The following TTC36 variants were observed in gnomAD, a reference collection of about 807,000 sequenced individuals.
TTC36 encodes the protein tetratricopeptide repeat protein 36.
TTC36 carries 15 observed loss-of-function variants against 17.5 expected under a neutral mutation model. The ratio of observed to expected loss-of-function variants is 0.86; its 90% CI spans 0.57 to 1.32. TTC36 has a LOEUF of 1.32. Among genes scored for constraint, TTC36 ranks in the 40% most tolerant of loss-of-function variants. The pLI is 0.00. For missense variants in TTC36, 292 were observed against 260.9 expected (o/e 1.12, Z -0.82); for synonymous variants, 112 against 109.8 (o/e 1.02, Z -0.13).
chr11:118,528,026 A>G, intron 1 of TTC36: 1 of 458,296 alleles, frequency 2.2e-6, no homozygotes. Context: ...AAACACTGTC[A>G]CAAGCCAAGC....
chr11:118,528,042 A>G, intron 1 of TTC36: 4 of 455,758 alleles, frequency 8.8e-6, no homozygotes, highest in Non-Finnish European at 1.8e-5. Flanking sequence ...CAAGCTCCAA[A>G]CTAACTCTTC....
Position 118,530,761 on chromosome 11 carries a change from G to T in TTC36, c.415G>T (p.Asp139Tyr). 6.6e-7 allele frequency: 1 copy of T among 1,507,388 alleles called. No individual in the cohort carries two copies. Among genetic ancestry groups the T allele is most frequent in the Non-Finnish European group, 8.8e-7 (1 of 1,137,362 alleles). The allele number at this position is 1,507,388 out of a possible 1,614,324, so 93.4% of individuals were successfully genotyped here. A position where few individuals can be genotyped will look rare whatever the true frequency, so the allele number is the denominator to read the frequency against. Reference sequence around the variant, plus strand: ...ACTCCTGGCGCGGCTGCAGGGCCGAGACGACGACGCCCGCAGGGACTTCGA... The same window carrying T: ...ACTCCTGGCGCGGCTGCAGGGCCGATACGACGACGCCCGCAGGGACTTCGA... ...RGLLARLQGRDDDARRDFERA... is the reference protein window; with the variant it reads ...RGLLARLQGRYDDARRDFERA... The change falls in exon 3 of 3, where the codon GAC becomes TAC. Residue 139 changes from aspartate (D) to tyrosine (Y), a missense_variant. Asp to Tyr is a radical substitution (Grantham distance 160). Coordinates refer to ENST00000302783, the MANE Select transcript of TTC36 (RefSeq NM_001080441.4). The surrounding 1 kb of genome is among the most constrained non-coding windows in gnomAD (Gnocchi z 5.8).
rs782530484 is a variant in TTC36 at position 118,530,724 on chromosome 11, T to C, written c.378T>C (p.Phe126=). 2.7e-5 allele frequency: 41 copies of C among 1,492,126 alleles called. No individual in the cohort carries two copies. In the South Asian group the frequency reaches 4.8e-4, roughly 17 times the overall value. 92.4% of individuals were successfully genotyped at this position (1,492,126 alleles called of 1,614,324 possible). Residue 126 remains phenylalanine, a synonymous_variant, in exon 3 of 3, where the codon TTT becomes TTC. Transcript: ENST00000302783. The surrounding 1 kb of genome is among the most constrained non-coding windows in gnomAD (Gnocchi z 5.8). Reference sequence around the variant, plus strand: ...GGGGCCGCGCCGCCCGCCAGAGCTTTGTGCAGCGCGGACTCCTGGCGCGGC... The same window carrying C: ...GGGGCCGCGCCGCCCGCCAGAGCTTCGTGCAGCGCGGACTCCTGGCGCGGC... ...GGRGRAARQS[F]VQRGLLARLQ... is the part of the protein sequence containing the mutation.
intron 1 of TTC36, among the ~76,000 whole-genome samples, chr11:118,528,226 C>T (rs922886408): frequency 6.6e-6 from 1 of 152,076 alleles, no homozygotes; most frequent in Admixed American, 6.5e-5. Flanking sequence ...GCATAAGAGG[C>T]GGTGTAGTAG....
chr11:118,528,824 G>C, intron 2 of TTC36, 33 bp downstream of exon 2: 1 of 1,557,574 alleles, frequency 6.4e-7, no homozygotes, highest in Non-Finnish European at 8.7e-7. Context: ...CTCTGCAAAA[G>C]GGCCCACGGG....
Position 118,530,827 on chromosome 11 carries a change from C to T in TTC36, c.481C>T (p.Leu161=). 1 of 1,506,448 alleles carries T rather than the reference C, an allele frequency of 6.6e-7. No homozygotes were observed. Among genetic ancestry groups the T allele is most frequent in the South Asian group, 1.2e-5 (1 of 81,148 alleles). 93.3% of individuals were successfully genotyped at this position (1,506,448 alleles called of 1,614,324 possible). A position where few individuals can be genotyped will look rare whatever the true frequency, so the allele number is the denominator to read the frequency against. Reference sequence around the variant, plus strand: ...GGGCAGCCCCTTCGCGCGGCGCCAGCTGGTGCTGCTCAACCCCTACGCCGC... The same window carrying T: ...GGGCAGCCCCTTCGCGCGGCGCCAGTTGGTGCTGCTCAACCCCTACGCCGC... ...RLGSPFARRQ[L]VLLNPYAALC... is the part of the protein sequence containing the mutation. Residue 161 remains leucine (L), a synonymous_variant, in exon 3 of 3, where the codon CTG becomes TTG. Transcript: ENST00000302783. The surrounding 1 kb of genome is among the most constrained non-coding windows in gnomAD (Gnocchi z 5.8).
chr11:118,528,578 T>C, intron 1 of TTC36, 25 bp from the exon 2 acceptor site: 1 of 1,529,188 alleles, frequency 6.5e-7, no homozygotes, highest in Non-Finnish European at 8.8e-7. Context: ...ACACCTGGCT[T>C]CTCCTGGCTC....
At position 118,530,929 on chromosome 11, in the gene TTC36, C is replaced by G. The variant is rs1555057587; in HGVS notation, c.*13C>G. 2 of 1,482,042 alleles carry G rather than the reference C, an allele frequency of 1.3e-6. No individual in the cohort carries two copies. Among genetic ancestry groups the G allele is most frequent in the Non-Finnish European group, 1.8e-6 (2 of 1,125,894 alleles). The allele number at this position is 1,482,042 out of a possible 1,614,324, so 91.8% of individuals were successfully genotyped here. On this transcript the variant is annotated 3_prime_UTR_variant, in exon 3 of 3. Transcript: ENST00000302783. The surrounding 1 kb of genome is among the most constrained non-coding windows in gnomAD (Gnocchi z 5.8). ...TGACAGCCGCTGAGCGCCGCGGACC[C>G]GGGCGTCCGCGGGCGAGGGGACGGG...
chr11:118,527,648 G>C, intron 1 of TTC36, 36 bp downstream of exon 1: 1 of 1,533,160 alleles, frequency 6.5e-7, no homozygotes, highest in Non-Finnish European at 9.0e-7. Context: ...TCTGCACATA[G>C]GCTGGCCTGC....
rs1555057407 is a variant in TTC36, at chr11:118,530,763, C to G, written c.417C>G (p.Asp139Glu). The change falls in exon 3 of 3, where the codon GAC becomes GAG. Residue 139 changes from aspartate (D) to glutamate (E), a missense_variant. Transcript: ENST00000302783. This position sits in a 1 kb window ranked among gnomAD's most constrained non-coding sequence, Gnocchi z 5.8. ...TCCTGGCGCGGCTGCAGGGCCGAGA[C>G]GACGACGCCCGCAGGGACTTCGAGA... ...RGLLARLQGRDDDARRDFERA... is the reference protein window; with the variant it reads ...RGLLARLQGREDDARRDFERA... The G allele has an allele frequency of 3.3e-6, 5 of 1,506,990 alleles. No individual in the cohort carries two copies. Among genetic ancestry groups the G allele is most frequent in the Non-Finnish European group, 4.4e-6 (5 of 1,137,206 alleles). 93.4% of individuals were successfully genotyped at this position (1,506,990 alleles called of 1,614,324 possible).
At position 118,530,690 on chromosome 11, in the gene TTC36, G is replaced by A; in HGVS notation, c.344G>A (p.Ser115Asn). 1 of 1,476,304 alleles carries A rather than the reference G, an allele frequency of 6.8e-7. No individual in the cohort carries two copies. Among genetic ancestry groups the A allele is most frequent in the Non-Finnish European group, 8.9e-7 (1 of 1,122,582 alleles). The allele number at this position is 1,476,304 out of a possible 1,614,324, so 91.5% of individuals were successfully genotyped here. A position where few individuals can be genotyped will look rare whatever the true frequency, so the allele number is the denominator to read the frequency against. ...LEDLERAVEL[S>N]GGRGRAARQS... ...GATCTGGAACGCGCGGTGGAGCTGA[G>A]CGGCGGCCGGGGCCGCGCCGCCCGC... Residue 115 changes from serine to asparagine, a missense_variant, in exon 3 of 3, where the codon AGC (serine) becomes AAC (asparagine). Coordinates refer to ENST00000302783, the MANE Select transcript of TTC36 (RefSeq NM_001080441.4). The surrounding 1 kb of genome is among the most constrained non-coding windows in gnomAD (Gnocchi z 5.8).
Position 118,530,954 on chromosome 11 carries a change from G to T in TTC36, c.*38G>T. On this transcript the variant is annotated 3_prime_UTR_variant, in exon 3 of 3. Coordinates refer to ENST00000302783, the MANE Select transcript of TTC36 (RefSeq NM_001080441.4). This position sits in a 1 kb window ranked among gnomAD's most constrained non-coding sequence, Gnocchi z 5.8. ...CGGGCGTCCGCGGGCGAGGGGACGG[G>T]ACTGGGCCCTGAACCAATAAAGCCG... 1.4e-6 allele frequency: 2 copies of T among 1,469,130 alleles called. No individual in the cohort carries two copies. Among genetic ancestry groups the T allele is most frequent in the South Asian group, 1.3e-5 (1 of 75,760 alleles). The allele number at this position is 1,469,130 out of a possible 1,614,324, so 91.0% of individuals were successfully genotyped here.
rs924669103 is a variant in TTC36 at position 118,530,146 on chromosome 11, G to A, written c.308-508G>A. On this transcript the variant is annotated intron_variant, in intron 2 of 2. Coordinates refer to ENST00000302783, the MANE Select transcript of TTC36 (RefSeq NM_001080441.4). This position sits in a 1 kb window ranked among gnomAD's most constrained non-coding sequence, Gnocchi z 5.8. ...AAGAAAGCAATGGAAAAGAGAAAAC[G>A]GCCCTCAAAAGGAAAACAATGAGAA... is the stretch of plus-strand genomic sequence containing the variant. Among the ~76,000 whole-genome samples, 1 of 152,180 alleles carries A rather than the reference G, an allele frequency of 6.6e-6. No individual in the cohort carries two copies. Among genetic ancestry groups the A allele is most frequent in the Non-Finnish European group, 1.5e-5 (1 of 68,026 alleles).
chr11:118,530,668 C>A lies in TTC36; in HGVS notation c.322C>A (p.Leu108Met), dbSNP rs11600045. 1 of 1,471,262 alleles carries A rather than the reference C, an allele frequency of 6.8e-7. No individual in the cohort carries two copies. The highest frequency in any genetic ancestry group is 8.9e-7 in the Non-Finnish European group (1 of 1,120,252). The allele number at this position is 1,471,262 out of a possible 1,614,324, so 91.1% of individuals were successfully genotyped here. A position where few individuals can be genotyped will look rare whatever the true frequency, so the allele number is the denominator to read the frequency against. Residue 108 changes from leucine to methionine, a missense_variant, in exon 3 of 3, where the codon CTG becomes ATG. Leu to Met is a conservative substitution (Grantham distance 15). Coordinates refer to ENST00000302783, the MANE Select transcript of TTC36 (RefSeq NM_001080441.4). This position sits in a 1 kb window ranked among gnomAD's most constrained non-coding sequence, Gnocchi z 5.8. ...CGGTCCCGCAGGCGCCCTGGAGGAT[C>A]TGGAACGCGCGGTGGAGCTGAGCGG... ...QGDVAGALED[L>M]ERAVELSGGR... is the part of the protein sequence containing the mutation.
chr11:118,528,230 G>A lies in TTC36; in HGVS notation c.119-373G>A, dbSNP rs117768000. Among the ~76,000 whole-genome samples the A allele has an allele frequency of 2.3e-3, 344 of 152,332 alleles. 5 individuals are homozygous for A. In the East Asian group the frequency reaches 0.054, roughly 24 times the overall value. On this transcript the variant is annotated intron_variant, in intron 1 of 2. Transcript: ENST00000302783. Reference sequence around the variant, plus strand: ...TGGTGGCCTTTGCATAAGAGGCGGTGTAGTAGAGTAAAATGCAGACAGGAG... The same window carrying A: ...TGGTGGCCTTTGCATAAGAGGCGGTATAGTAGAGTAAAATGCAGACAGGAG...
chr11:118,527,560 C>T lies in TTC36; in HGVS notation c.66C>T (p.Asp22=). ...AIFNPDTPFG[D]IVGLDLGEEA... ...TCAACCCTGACACCCCATTTGGAGA[C>T]ATTGTTGGATTGGACCTCGGAGAGG... Residue 22 remains aspartate, a synonymous_variant, in exon 1 of 3, where the codon GAC becomes GAT. Transcript: ENST00000302783. The T allele has an allele frequency of 6.2e-7, 1 of 1,614,156 alleles. No homozygotes were observed. The highest frequency in any genetic ancestry group is 8.5e-7 in the Non-Finnish European group (1 of 1,180,016).
In TTC36 at chr11:118,530,708, C is replaced by T. The variant is rs1555057351; in HGVS notation, c.362C>T (p.Ala121Val). 6.8e-7 allele frequency: 1 copy of T among 1,480,430 alleles called. No homozygotes were observed. Among genetic ancestry groups the T allele is most frequent in the South Asian group, 1.3e-5 (1 of 78,278 alleles). The allele number at this position is 1,480,430 out of a possible 1,614,324, so 91.7% of individuals were successfully genotyped here. A position where few individuals can be genotyped will look rare whatever the true frequency, so the allele number is the denominator to read the frequency against. ...AVELSGGRGR[A>V]ARQSFVQRGL... The stretch of plus-strand genomic sequence containing the variant: ...GAGCTGAGCGGCGGCCGGGGCCGCG[C>T]CGCCCGCCAGAGCTTTGTGCAGCGC... Residue 121 changes from alanine (A) to valine (V), a missense_variant, in exon 3 of 3, where the codon GCC (alanine) becomes GTC (valine). Physicochemically the swap from Ala to Val is moderately conservative, Grantham distance 64. Coordinates refer to ENST00000302783, the MANE Select transcript of TTC36 (RefSeq NM_001080441.4). The surrounding 1 kb of genome is among the most constrained non-coding windows in gnomAD (Gnocchi z 5.8).
At chr11:118,528,476 T>G (rs1951127261) in intron 1 of TTC36, 127 bp from the exon 2 acceptor site, 2 of 913,820 alleles carry the variant, frequency 2.2e-6, no homozygotes, top group East Asian at 5.3e-5. Context: ...ACACTGCAAC[T>G]GACCCCTGCT....
chr11:118,529,448 TG>T (rs1301661868), intron 2 of TTC36, among the ~76,000 whole-genome samples: 6 of 152,130 alleles, frequency 3.9e-5, no homozygotes, highest in African/African-American at 1.4e-4. Flanking sequence ...GGGAGTTAGT[TG>T]GTGGGTGGAG....
Sources: allele counts gnomAD v4.1 joint callset (sites outside exome capture counted in the v4.1 genomes callset), GRCh38; gene constraint gnomAD v4.1.1; non-coding constraint Gnocchi (gnomAD v3.1); transcripts MANE v1.5; gene names NCBI Gene and HGNC (gene_info 2026-07-23, HGNC 2026-07-21).